SLF2: variants seen among roughly 807,000 people sequenced by gnomAD.
The protein encoded by SLF2 is SMC5/6 complex localization factor 2.
SLF2 carries 68 observed loss-of-function variants against 124.3 expected under a neutral mutation model. That is an observed-to-expected ratio of 0.55 (90% CI 0.45 to 0.67). SLF2 has a LOEUF of 0.67. SLF2 is among the 30% of genes least tolerant of loss of function. The probability of loss-of-function intolerance (pLI) is 0.00; values close to 1 mark genes in which losing one functional copy is unlikely to be tolerated. For synonymous variants in SLF2, 480 were observed against 478.8 expected (o/e 1.00, Z -0.03); for missense variants, 1,246 against 1,373.7 (o/e 0.91, Z 1.47).
At chr10:100,925,360 C>T (rs1465077123) in intron 5 of SLF2, among the ~76,000 whole-genome samples, 1 of 151,402 alleles carries the variant, frequency 6.6e-6, no homozygotes, top group Non-Finnish European at 1.5e-5. Flanking sequence ...TTACTATAGA[C>T]TAAGTTCTAC....
intron 2 of SLF2, 86 bp downstream of exon 2, chr10:100,916,128 G>A: frequency 3.0e-6 from 3 of 1,004,428 alleles, no homozygotes; most frequent in Non-Finnish European, 4.4e-6. Context: ...ACTCTAAACT[G>A]TTTTAGTAAA....
At chr10:100,949,619 G>A (rs10883566) in intron 15 of SLF2, among the ~76,000 whole-genome samples, 51,302 of 149,740 alleles carry the variant, frequency 0.34, 10,382 homozygotes, top group Middle Eastern at 0.55. Flanking sequence ...TTTGAGAGAT[G>A]TAGTATTGCT....
In SLF2 at chr10:100,924,790, C is replaced by T. The variant is rs370573322; in HGVS notation, c.1789C>T (p.Leu597=). The T allele has an allele frequency of 6.2e-7, 1 of 1,613,978 alleles. No homozygotes were observed. The highest frequency in any genetic ancestry group is 1.3e-5 in the African/African-American group (1 of 74,892). ...AGGTAGCAGTGCACTGAAAAGAAAA[C>T]TAAGGGGTGATTTTGATAGTGATGA... ...NAGSSALKRK[L]RGDFDSDEES... The change falls in exon 5 of 20, where the codon CTA becomes TTA. Residue 597 remains leucine, a synonymous_variant. Transcript: ENST00000238961.
intron 17 of SLF2, among the ~76,000 whole-genome samples, chr10:100,952,008 G>T (rs1302353053): frequency 3.3e-5 from 5 of 151,660 alleles, no homozygotes; most frequent in African/African-American, 1.2e-4. Context: ...CTTTGGGAGG[G>T]TGCGGTGGGT....
chr10:100,956,588 G>A lies in SLF2; in HGVS notation c.3417+51G>A, dbSNP rs150448109. Reference sequence around the variant, plus strand: ...TTTTTTTTTTCTTAATCTTGGTTACGTTAATATTTAAGGATAGAAGCATAC... The same window carrying A: ...TTTTTTTTTTCTTAATCTTGGTTACATTAATATTTAAGGATAGAAGCATAC... On this transcript the variant is annotated intron_variant, in intron 18 of 19. Coordinates refer to ENST00000238961, the MANE Select transcript of SLF2 (RefSeq NM_018121.4). 41 of 1,371,812 alleles carry A rather than the reference G, an allele frequency of 3.0e-5. No individual in the cohort carries two copies. In the African/African-American group the frequency reaches 4.4e-4, roughly 15 times the overall value. 85.0% of individuals were successfully genotyped at this position (1,371,812 alleles called of 1,614,324 possible). A position where few individuals can be genotyped will look rare whatever the true frequency, so the allele number is the denominator to read the frequency against.
At position 100,924,916 on chromosome 10, in the gene SLF2, A is replaced by G; in HGVS notation, c.1915A>G (p.Thr639Ala). The G allele has an allele frequency of 6.2e-7, 1 of 1,614,150 alleles. No homozygotes were observed. Among genetic ancestry groups the G allele is most frequent in the Non-Finnish European group, 8.5e-7 (1 of 1,180,014 alleles). Residue 639 changes from threonine to alanine, a missense_variant, in exon 5 of 20, where the codon ACA becomes GCA. Physicochemically the swap from Thr to Ala is moderately conservative, Grantham distance 58. Coordinates refer to ENST00000238961, the MANE Select transcript of SLF2 (RefSeq NM_018121.4). ...GAACTTCAATCAGACTCCTGCAGCT[A>G]CAGGAAAGCCTCCTGCTCTTTCCAA... is the stretch of plus-strand genomic sequence containing the variant. ...ALNFNQTPAA[T>A]GKPPALSKGL...
chr10:100,918,156 A>G (rs773438819), intron 3 of SLF2, among the ~76,000 whole-genome samples: 10 of 152,212 alleles, frequency 6.6e-5, no homozygotes, highest in Non-Finnish European at 1.3e-4. Flanking sequence ...TTGAAAACTG[A>G]CTTCATTTTT....
intron 11 of SLF2, 24 bp downstream of exon 11, chr10:100,938,760 C>A (rs780354996): frequency 6.4e-7 from 1 of 1,566,540 alleles, no homozygotes; most frequent in Non-Finnish European, 8.6e-7. Context: ...TCATAATTAA[C>A]GCCAAAAATA....
In SLF2 at chr10:100,959,443, G is replaced by T. The variant is rs753196529; in HGVS notation, c.3433G>T (p.Ala1145Ser). ...FYRTKVKDLV[A>S]RIHGKWQEII... ...TATTTTTAAGGTGAAAGACTTGGTC[G>T]CCAGGATACATGGAAAATGGCAGGA... The change falls in exon 19 of 20, where the codon GCC (alanine) becomes TCC (serine). Residue 1145 changes from alanine (A) to serine (S), a missense_variant. Around this residue, in one of 3 missense-constraint regions of SLF2, gnomAD observed 535 missense variants for 632.8 expected, o/e 0.85. Transcript: ENST00000238961. 2 of 1,607,400 alleles carry T rather than the reference G, an allele frequency of 1.2e-6. No homozygotes were observed. The highest frequency in any genetic ancestry group is 1.7e-6 in the Non-Finnish European group (2 of 1,178,282).
intron 13 of SLF2, among the ~76,000 whole-genome samples, chr10:100,946,127 T>C (rs937686015): frequency 6.6e-6 from 1 of 152,112 alleles, no homozygotes; most frequent in African/African-American, 2.4e-5. Context: ...GGTGGAAAAA[T>C]TAAAATATGC....
At position 100,924,455 on chromosome 10, in the gene SLF2, C is replaced by G; in HGVS notation, c.1454C>G (p.Ser485Cys). Residue 485 changes from serine to cysteine, a missense_variant, in exon 5 of 20, where the codon TCT becomes TGT. Ser to Cys is a moderately radical substitution (Grantham distance 112, BLOSUM62 -1). Around this residue, in one of 3 missense-constraint regions of SLF2, gnomAD observed 698 missense variants for 708.9 expected, o/e 0.98. Coordinates refer to ENST00000238961, the MANE Select transcript of SLF2 (RefSeq NM_018121.4). ...TCCCGTGTTCCAAGTGCTGGTTCCT[C>G]TCTAGTACCATTAAATGCTAAAAAT... ...LLSRVPSAGSSLVPLNAKNCA... is the reference protein window; with the variant it reads ...LLSRVPSAGSCLVPLNAKNCA... 6.2e-7 allele frequency: 1 copy of G among 1,614,188 alleles called. No individual in the cohort carries two copies. Among genetic ancestry groups the G allele is most frequent in the Admixed American group, 1.7e-5 (1 of 60,024 alleles).
At position 100,915,856 on chromosome 10, in the gene SLF2, A is replaced by G. The variant is rs1662684601; in HGVS notation, c.141-143A>G. ...CTGTTTTTTTAATGAACAGTTTAGC[A>G]AAGCATTGTTACCATTGTCAGAACT... On this transcript the variant is annotated intron_variant, in intron 1 of 19. Transcript: ENST00000238961. 6.2e-6 allele frequency: 4 copies of G among 646,984 alleles called. No homozygotes were observed. In the South Asian group the frequency reaches 7.9e-5, roughly 13 times the overall value. 40.1% of individuals were successfully genotyped at this position (646,984 alleles called of 1,614,324 possible).
chr10:100,931,616 C>G (rs1849737805), intron 9 of SLF2, among the ~76,000 whole-genome samples: 1 of 152,050 alleles, frequency 6.6e-6, no homozygotes, highest in Non-Finnish European at 1.5e-5. Flanking sequence ...TCAGTGGTAT[C>G]ATTGATGCTT....
chr10:100,950,044 C>A, intron 15 of SLF2, 32 bp from the exon 16 acceptor site: 1 of 1,528,290 alleles, frequency 6.5e-7, no homozygotes. Context: ...TATTATTTAG[C>A]TTTGTTCAAT....
Position 100,956,501 on chromosome 10 carries a change from T to C in SLF2, c.3381T>C (p.Asp1127=), listed in dbSNP as rs748686940. The change falls in exon 18 of 20, where the codon GAT becomes GAC. Residue 1127 remains aspartate (D), a synonymous_variant. Coordinates refer to ENST00000238961, the MANE Select transcript of SLF2 (RefSeq NM_018121.4). ...CTTTGGAAAAGCATGTTAAATGTGA[T>C]ATTAGGGAAGATGCAAGACTTTTTT... The part of the protein sequence containing the change: ...CGALEKHVKC[D]IREDARLFYR... 7.4e-6 allele frequency: 12 copies of C among 1,613,478 alleles called. No individual in the cohort carries two copies. The highest frequency in any genetic ancestry group is 1.0e-5 in the Non-Finnish European group (12 of 1,179,796).
rs1850331382 is a variant in SLF2, at chr10:100,956,500, A to G, written c.3380A>G (p.Asp1127Gly). Residue 1127 changes from aspartate to glycine, a missense_variant, in exon 18 of 20, where the codon GAT becomes GGT. Physicochemically the swap from Asp to Gly is moderately conservative, Grantham distance 94. Transcript: ENST00000238961. The part of the protein sequence containing the change: ...CGALEKHVKC[D>G]IREDARLFYR... Reference sequence around the variant, plus strand: ...GCTTTGGAAAAGCATGTTAAATGTGATATTAGGGAAGATGCAAGACTTTTT... The same window carrying G: ...GCTTTGGAAAAGCATGTTAAATGTGGTATTAGGGAAGATGCAAGACTTTTT... 1.9e-6 allele frequency: 3 copies of G among 1,612,874 alleles called. No individual in the cohort carries two copies. The South Asian group carries it at 3.3e-5, about 18-fold the overall frequency.
In SLF2 at chr10:100,929,927, A is replaced by C. The variant is rs766757379; in HGVS notation, c.2263A>C (p.Asn755His). 1.1e-5 allele frequency: 17 copies of C among 1,602,714 alleles called. No individual in the cohort carries two copies. Among genetic ancestry groups the C allele is most frequent in the Middle Eastern group, 1.7e-4 (1 of 6,046 alleles). Residue 755 changes from asparagine to histidine, a missense_variant, in exon 8 of 20, where the codon AAT (asparagine) becomes CAT (histidine). Around this residue, in one of 3 missense-constraint regions of SLF2, gnomAD observed 535 missense variants for 632.8 expected, o/e 0.85. Transcript: ENST00000238961. Reference sequence around the variant, plus strand: ...TTTCCTCAATTCTGGAAAAATTTTCAATCAGTATACCTTGGATTTAAGAGA... The same window carrying C: ...TTTCCTCAATTCTGGAAAAATTTTCCATCAGTATACCTTGGATTTAAGAGA... ...FNFLNSGKIF[N>H]QYTLDLRDSG...
At chr10:100,960,572 C>T (rs1850408289) in intron 19 of SLF2, among the ~76,000 whole-genome samples, 2 of 152,130 alleles carry the variant, frequency 1.3e-5, no homozygotes, top group Admixed American at 6.5e-5. Context: ...GCAGAAATGT[C>T]TATTCAGATC....
At chr10:100,959,234 G>A (rs1850385148) in intron 18 of SLF2, among the ~76,000 whole-genome samples, 194 bp from the exon 19 acceptor site, 1 of 152,170 alleles carries the variant, frequency 6.6e-6, no homozygotes, top group Non-Finnish European at 1.5e-5. Flanking sequence ...ATGATAAAGG[G>A]AGTCTTATTA....
Sources: gnomAD v4.1 joint callset for allele counts (sites outside exome capture counted in the v4.1 genomes callset) on GRCh38, gnomAD v4.1.1 for gene constraint, gnomAD v4.1.1 regional missense constraint, MANE v1.5 for transcripts, NCBI Gene and HGNC (gene_info 2026-07-23, HGNC 2026-07-21) for gene names.